Variants in SCARB2 observed in about 807,000 individuals in gnomAD.
SCARB2 encodes scavenger receptor class B member 2.
A neutral mutation model predicts 58.6 loss-of-function variants in SCARB2; 29 were observed. That is an observed-to-expected ratio of 0.49 (90% CI 0.37 to 0.67). SCARB2 has a LOEUF of 0.67. Ranked by LOEUF, SCARB2 falls within the 30% of genes least tolerant of loss-of-function variation. The pLI is 0.00. For synonymous variants in SCARB2, 195 were observed against 210.1 expected, an observed-to-expected ratio of 0.93 and a Z score of 0.62; for missense variants, 488 against 578.5, an observed-to-expected ratio of 0.84 and a Z score of 1.60.
chr4:76,230,610 T>C (rs1489512520), intron 1 of SCARB2, among the ~76,000 whole-genome samples: 1 of 152,186 alleles, frequency 6.6e-6, no homozygotes, highest in African/African-American at 2.4e-5. Context: ...AGTTTGAAGC[T>C]TCCCTTCTCT....
At chr4:76,190,326 TA>T (rs1243399152) in intron 2 of SCARB2, among the ~76,000 whole-genome samples, 4 of 152,018 alleles carry the variant, frequency 2.6e-5, no homozygotes, top group Non-Finnish European at 5.9e-5. Flanking sequence ...ACATTTTAAA[TA>T]AGATGTAACA....
chr4:76,204,729 G>A (rs1000963054), intron 1 of SCARB2, among the ~76,000 whole-genome samples: 2 of 152,022 alleles, frequency 1.3e-5, no homozygotes, highest in Non-Finnish European at 2.9e-5. Flanking sequence ...ATAAGGCCAC[G>A]GAAACAAGGC....
chr4:76,179,513 T>G lies in SCARB2; in HGVS notation c.612+4A>C. 1 of 1,609,010 alleles carries G rather than the reference T, an allele frequency of 6.2e-7. No individual in the cohort carries two copies. The highest frequency in any genetic ancestry group is 8.5e-7 in the Non-Finnish European group (1 of 1,175,350). On this transcript the variant is annotated splice_donor_region_variant and intron_variant, in intron 4 of 11. Transcript: ENST00000264896. ...AGAGGTTCTGAAAAGAAAAATCTAC[T>G]TACCTCATAGAATAGGCCAAAATAG...
At chr4:76,164,121 A>T (rs1731953054) in intron 10 of SCARB2, 1 of 152,522 alleles carries the variant, frequency 6.6e-6, no homozygotes, top group South Asian at 2.1e-4. Flanking sequence ...TATGCAGAGC[A>T]GAGGAATTAC....
At chr4:76,199,188 C>T (rs1732779176) in intron 1 of SCARB2, among the ~76,000 whole-genome samples, 1 of 152,182 alleles carries the variant, frequency 6.6e-6, no homozygotes, top group Non-Finnish European at 1.5e-5. Flanking sequence ...TCCCAAGTCA[C>T]AAAGCCAGTA....
At chr4:76,195,632 G>T in intron 2 of SCARB2, 75 bp downstream of exon 2, 1 of 1,300,354 alleles carries the variant, frequency 7.7e-7, no homozygotes, top group Non-Finnish European at 1.1e-6. Flanking sequence ...CCTTGCTCCT[G>T]GGAAGAGGCA....
chr4:76,201,643 G>A (rs1262484199), intron 1 of SCARB2, among the ~76,000 whole-genome samples: 1 of 152,206 alleles, frequency 6.6e-6, no homozygotes, highest in African/African-American at 2.4e-5. Flanking sequence ...AGAAGAGACA[G>A]TAACTTTCTT....
At chr4:76,163,041 CTTT>C in intron 11 of SCARB2, 181 bp downstream of exon 11, 2 of 712,658 alleles carry the variant, frequency 2.8e-6, no homozygotes, top group East Asian at 5.4e-5. Flanking sequence ...CCTCCACCTT[CTTT>C]GACACACTTC....
chr4:76,218,028 C>A (rs1733244403), upstream of SCARB2, among the ~76,000 whole-genome samples: 1 of 152,170 alleles, frequency 6.6e-6, no homozygotes, highest in Non-Finnish European at 1.5e-5. Flanking sequence ...TAAATATAAA[C>A]ATTTAAAATA....
Position 76,188,453 on chromosome 4 carries a change from T to G in SCARB2, c.275+7254A>C, listed in dbSNP as rs1035851482. On this transcript the variant is annotated intron_variant, in intron 2 of 11. Coordinates refer to ENST00000264896, the MANE Select transcript of SCARB2 (RefSeq NM_005506.4). Reference sequence around the variant, plus strand: ...CTGAACTCCCCAGTATGTGAAAGGTTTGGGAAATGTGCCACTGTAAATCCT... The same window carrying G: ...CTGAACTCCCCAGTATGTGAAAGGTGTGGGAAATGTGCCACTGTAAATCCT... Among the ~76,000 whole-genome samples the G allele has an allele frequency of 3.3e-5, 5 of 152,174 alleles. 1 individual carries two copies. Among genetic ancestry groups the G allele is most frequent in the Admixed American group, 2.6e-4 (4 of 15,276 alleles).
chr4:76,180,491 C>T (rs1732359834), intron 3 of SCARB2: 1 of 154,372 alleles, frequency 6.5e-6, no homozygotes, highest in South Asian at 2.0e-4. Context: ...CCACTGAAAT[C>T]ACAGTAGGCT....
intron 4 of SCARB2, chr4:76,179,076 CAG>C (rs1732325157): frequency 6.1e-6 from 1 of 164,232 alleles, no homozygotes; most frequent in Non-Finnish European, 1.3e-5. Context: ...CTTTTTTAGA[CAG>C]AGTCTTGCTC....
At chr4:76,200,714 A>G (rs1419268254) in intron 1 of SCARB2, among the ~76,000 whole-genome samples, 1 of 152,202 alleles carries the variant, frequency 6.6e-6, no homozygotes, top group Non-Finnish European at 1.5e-5. Context: ...TGGATCTGTG[A>G]TAAAATTCCC....
intron 3 of SCARB2, chr4:76,180,373 T>G (rs922184857): frequency 3.3e-5 from 5 of 151,742 alleles, no homozygotes; most frequent in Non-Finnish European, 7.4e-5. Flanking sequence ...AAATTAATAA[T>G]AAATAAATTA....
At chr4:76,164,466 C>G (rs1302168543) in intron 10 of SCARB2, 1 of 152,152 alleles carries the variant, frequency 6.6e-6, no homozygotes. Context: ...GAAACCTCAT[C>G]TCTGCTAAAA....
At chr4:76,194,792 A>AT (rs1227511835) in intron 2 of SCARB2, 3 of 152,248 alleles carry the variant, frequency 2.0e-5, no homozygotes, top group African/African-American at 7.2e-5. Flanking sequence ...GAAAAGGGGA[A>AT]CATTGCAACA....
chr4:76,170,120 T>G, intron 7 of SCARB2, 135 bp from the exon 8 acceptor site: 1 of 729,370 alleles, frequency 1.4e-6, no homozygotes, highest in Admixed American at 2.1e-5. Flanking sequence ...TTGGGTAGGC[T>G]AAAACACCAT....
intron 1 of SCARB2, among the ~76,000 whole-genome samples, chr4:76,202,465 TAGTC>T (rs1560719058): frequency 6.6e-6 from 1 of 152,144 alleles, no homozygotes; most frequent in Non-Finnish European, 1.5e-5. Context: ...TTCACCATGT[TAGTC>T]AGGCTGATCT....
chr4:76,179,462 G>T, intron 4 of SCARB2, 55 bp downstream of exon 4: 1 of 1,238,104 alleles, frequency 8.1e-7, no homozygotes, highest in Non-Finnish European at 1.2e-6. Context: ...GGCTTGGGGT[G>T]CCCCAACCCA....
Sources: allele counts gnomAD v4.1 joint callset (sites outside exome capture counted in the v4.1 genomes callset), GRCh38; gene constraint gnomAD v4.1.1; transcripts MANE v1.5; gene names NCBI Gene and HGNC (gene_info 2026-07-23, HGNC 2026-07-21).